The following ANKRD11 variants were observed in gnomAD, a reference collection of about 807,000 sequenced individuals.
ANKRD11 encodes ankyrin repeat domain-containing protein 11.
In ANKRD11, 17 loss-of-function variants were observed where a neutral mutation model predicts 195.7. The ratio of observed to expected loss-of-function variants is 0.09; its 90% CI spans 0.06 to 0.13. The LOEUF is 0.13. ANKRD11 is among the 10% of genes least tolerant of loss of function. The pLI is 1.00. For synonymous variants in ANKRD11, 1,953 were observed against 1,528.1 expected, an observed-to-expected ratio of 1.28 and a Z score of -6.49; for missense variants, 3,735 against 3,566.1, an observed-to-expected ratio of 1.05 and a Z score of -1.21.
chr16:89,393,797 G>A (rs1176446164), intron 2 of ANKRD11, among the ~76,000 whole-genome samples: 2 of 152,110 alleles, frequency 1.3e-5, no homozygotes, highest in African/African-American at 4.8e-5. Context: ...ATGGCATCTC[G>A]CATGAAACAG....
intron 2 of ANKRD11, among the ~76,000 whole-genome samples, chr16:89,393,490 C>CT (rs5818715): frequency 0.043 from 5,018 of 116,992 alleles, 125 homozygotes; most frequent in African/African-American, 0.054. Flanking sequence ...TATCCAGCTG[C>CT]TTTTTTTTTT....
intron 2 of ANKRD11, among the ~76,000 whole-genome samples, chr16:89,377,901 T>C (rs2040490439): frequency 6.6e-6 from 1 of 151,926 alleles, no homozygotes; most frequent in African/African-American, 2.4e-5. Flanking sequence ...CCCTCCTCCT[T>C]CTACTCAATG....
chr16:89,441,660 G>T (rs544051766), intron 1 of ANKRD11, among the ~76,000 whole-genome samples: 3 of 150,772 alleles, frequency 2.0e-5, no homozygotes, highest in Admixed American at 6.6e-5. Flanking sequence ...CCAGCTACTC[G>T]GGAGGCTGAG....
At chr16:89,452,779 C>CAAAAA (rs11401095) in intron 1 of ANKRD11, among the ~76,000 whole-genome samples, 1 of 73,498 alleles carries the variant, frequency 1.4e-5, no homozygotes, top group African/African-American at 5.8e-5. Context: ...GACTCTATCT[C>CAAAAA]AAAAAAAAAA....
At chr16:89,459,362 G>A (rs180788154) in intron 1 of ANKRD11, 138 of 153,108 alleles carry the variant, frequency 9.0e-4, no homozygotes, top group South Asian at 1.9e-3. Context: ...GAAGAAATCG[G>A]GAAAGTCAAT....
chr16:89,443,602 C>T (rs1369739929), intron 1 of ANKRD11, among the ~76,000 whole-genome samples: 4 of 152,276 alleles, frequency 2.6e-5, no homozygotes, highest in East Asian at 1.9e-4. Context: ...CTGCCTGCCA[C>T]GCATGGAAAA....
chr16:89,314,382 G>A (rs560103329), intron 3 of ANKRD11, among the ~76,000 whole-genome samples: 33 of 152,244 alleles, frequency 2.2e-4, no homozygotes, highest in Admixed American at 1.3e-3. Context: ...AACAGAGCTC[G>A]CATCGACATT....
At chr16:89,273,141 A>AAAAT (rs986469726) in intron 11 of ANKRD11, 1 of 151,908 alleles carries the variant, frequency 6.6e-6, no homozygotes, top group African/African-American at 2.4e-5. Flanking sequence ...TGTGTATTTT[A>AAAAT]AAATAACATA....
At chr16:89,401,792 G>A (rs887155681) in intron 2 of ANKRD11, among the ~76,000 whole-genome samples, 1 of 152,190 alleles carries the variant, frequency 6.6e-6, no homozygotes, top group Non-Finnish European at 1.5e-5. Flanking sequence ...CACGCAGGGA[G>A]AACGCTGGGT....
intron 3 of ANKRD11, among the ~76,000 whole-genome samples, chr16:89,314,054 T>C (rs1272552899): frequency 1.3e-5 from 2 of 152,088 alleles, no homozygotes; most frequent in Non-Finnish European, 2.9e-5. Context: ...TAAGATCTCG[T>C]CTCTACAAAA....
At chr16:89,470,160 C>G (rs941932131) in intron 1 of ANKRD11, among the ~76,000 whole-genome samples, 3 of 151,962 alleles carry the variant, frequency 2.0e-5, no homozygotes, top group African/African-American at 7.2e-5. Context: ...CCTGCCCCGG[C>G]CTCCCAAAGC....
chr16:89,293,488 G>A (rs1035009706), intron 4 of ANKRD11, among the ~76,000 whole-genome samples: 16 of 149,846 alleles, frequency 1.1e-4, no homozygotes, highest in Non-Finnish European at 2.2e-4. Context: ...GGAGGGAGGA[G>A]CTGGGGCAGA....
intron 2 of ANKRD11, among the ~76,000 whole-genome samples, chr16:89,382,089 C>A (rs1045109323): frequency 6.6e-6 from 1 of 152,192 alleles, no homozygotes; most frequent in African/African-American, 2.4e-5. Context: ...CAGGCAGGCG[C>A]CACCAGAACG....
At chr16:89,323,036 T>G in intron 2 of ANKRD11, 1 of 301,000 alleles carries the variant, frequency 3.3e-6, no homozygotes. Flanking sequence ...TGGAGTCGGG[T>G]TTCGCCATGC....
intron 2 of ANKRD11, among the ~76,000 whole-genome samples, chr16:89,371,931 G>A (rs1420284608): frequency 1.3e-5 from 2 of 152,200 alleles, no homozygotes; most frequent in Non-Finnish European, 2.9e-5. Flanking sequence ...GCCTGTTACA[G>A]AACAGGAGGC....
intron 1 of ANKRD11, among the ~76,000 whole-genome samples, chr16:89,432,026 T>C (rs1285015564): frequency 6.6e-6 from 1 of 152,062 alleles, no homozygotes; most frequent in African/African-American, 2.4e-5. Flanking sequence ...CCGCTCTGAC[T>C]TCTAGTTCAA....
chr16:89,314,853 G>C (rs2151911903), intron 3 of ANKRD11, among the ~76,000 whole-genome samples: 1 of 152,260 alleles, frequency 6.6e-6, no homozygotes, highest in Non-Finnish European at 1.5e-5. Flanking sequence ...AAACCTGCGG[G>C]CACAGAGGCT....
chr16:89,384,317 G>C (rs1423226141), intron 2 of ANKRD11, among the ~76,000 whole-genome samples: 2 of 152,174 alleles, frequency 1.3e-5, no homozygotes, highest in Non-Finnish European at 2.9e-5. Flanking sequence ...GATCACCTGA[G>C]GTCAGGAGTT....
At position 89,394,538 on chromosome 16, in the gene ANKRD11, G is replaced by C. The variant is rs562639250; in HGVS notation, c.-60+23746C>G. Among the ~76,000 whole-genome samples the C allele has an allele frequency of 7.2e-5, 11 of 151,918 alleles. No individual in the cohort carries two copies. The South Asian group carries it at 2.3e-3, about 32-fold the overall frequency. ...AGCTACTCGGGAGGCTGAGGCAGGA[G>C]AATCGCTTGAACCCAGGAGGCGGAG... On this transcript the variant is annotated intron_variant, in intron 2 of 12. Coordinates refer to ENST00000301030, the MANE Select transcript of ANKRD11 (RefSeq NM_013275.6).
Sources: gnomAD v4.1 joint callset for allele counts (sites outside exome capture counted in the v4.1 genomes callset) on GRCh38, gnomAD v4.1.1 for gene constraint, MANE v1.5 for transcripts, NCBI Gene and HGNC (gene_info 2026-07-23, HGNC 2026-07-21) for gene names.